ABTB2: variants seen among roughly 807,000 people sequenced by gnomAD.
The protein encoded by ABTB2 is ankyrin repeat and BTB/POZ domain-containing protein 2.
In ABTB2, 56 loss-of-function variants were observed where a neutral mutation model predicts 104.1. That is an observed-to-expected ratio of 0.54 (90% CI 0.43 to 0.67). The LOEUF (loss-of-function observed/expected upper bound fraction) is 0.67, where lower values mean the gene tolerates loss of function less well. ABTB2 is among the 30% of genes least tolerant of loss of function. The probability of loss-of-function intolerance (pLI) is 0.00; values close to 1 mark genes in which losing one functional copy is unlikely to be tolerated. For synonymous variants in ABTB2, 606 were observed against 608.2 expected (o/e 1.00, Z 0.05); for missense variants, 1,279 against 1,407.7 (o/e 0.91, Z 1.46).
At chr11:34,298,269 C>T (rs1481509918) in intron 1 of ABTB2, among the ~76,000 whole-genome samples, 1 of 151,966 alleles carries the variant, frequency 6.6e-6, no homozygotes, top group Non-Finnish European at 1.5e-5. Context: ...GAATACATAT[C>T]CACATTTCAT....
chr11:34,314,722 G>C (rs1854903623), intron 1 of ABTB2, among the ~76,000 whole-genome samples: 1 of 152,150 alleles, frequency 6.6e-6, no homozygotes, highest in Admixed American at 6.5e-5. Flanking sequence ...TAGAAGGACT[G>C]GCTAGATAAT....
chr11:34,201,058 G>T (rs1026834920), intron 2 of ABTB2, among the ~76,000 whole-genome samples: 16 of 152,002 alleles, frequency 1.1e-4, no homozygotes, highest in African/African-American at 3.9e-4. Context: ...CATTATAAAG[G>T]TTTCATTCTG....
intron 7 of ABTB2, 135 bp downstream of exon 7, chr11:34,167,124 T>A: frequency 2.7e-6 from 2 of 732,460 alleles, no homozygotes; most frequent in Non-Finnish European, 4.4e-6. Context: ...ATCGATCAGG[T>A]GAGCTGGCCT....
chr11:34,235,789 G>A (rs75739652), intron 1 of ABTB2, among the ~76,000 whole-genome samples: 4,881 of 152,252 alleles, frequency 0.032, 286 homozygotes, highest in African/African-American at 0.11. Context: ...CCATGCTAGA[G>A]GCATTAATTA....
chr11:34,357,714 G>A lies in ABTB2; in HGVS notation c.-131C>T. On this transcript the variant is annotated 5_prime_UTR_variant, in exon 1 of 17. Transcript: ENST00000435224. The stretch of plus-strand genomic sequence containing the variant: ...CTTCCTCTCTGCGTCGCGGGGCTCG[G>A]CGGCCGCATTGCCTGCCCGGAGGCC... 1 of 1,088,908 alleles carries A rather than the reference G, an allele frequency of 9.2e-7. No individual in the cohort carries two copies. The highest frequency in any genetic ancestry group is 1.2e-6 in the Non-Finnish European group (1 of 822,888). The allele number at this position is 1,088,908 out of a possible 1,614,324, so 67.5% of individuals were successfully genotyped here.
intron 1 of ABTB2, among the ~76,000 whole-genome samples, chr11:34,311,108 C>T (rs545602875): frequency 5.9e-5 from 9 of 152,296 alleles, no homozygotes; most frequent in Admixed American, 1.3e-4. Flanking sequence ...GAAGAGGCGG[C>T]TCCTCAGAGC....
At chr11:34,230,588 A>T (rs1317619692) in intron 1 of ABTB2, among the ~76,000 whole-genome samples, 1 of 152,170 alleles carries the variant, frequency 6.6e-6, no homozygotes, top group Non-Finnish European at 1.5e-5. Context: ...CAGTCCCTAA[A>T]TGCTGATGGC....
intron 1 of ABTB2, among the ~76,000 whole-genome samples, chr11:34,224,374 C>T (rs1853661293): frequency 1.3e-5 from 2 of 152,120 alleles, no homozygotes. Context: ...AACTCCTAAC[C>T]TCAAGCCATC....
In ABTB2 at chr11:34,356,027, G is replaced by A. The variant is rs1855460725; in HGVS notation, c.883+674C>T. ...GGTTGGTGACAGCTTGGAAAAATCA[G>A]GTCTCAGGAGACAATCTGTGGTTAC... On this transcript the variant is annotated intron_variant, in intron 1 of 16. Coordinates refer to ENST00000435224, the MANE Select transcript of ABTB2 (RefSeq NM_145804.3). This position sits in a 1 kb window ranked among gnomAD's most constrained non-coding sequence, Gnocchi z 4.6. 6.6e-6 allele frequency among the ~76,000 whole-genome samples: 1 copy of A among 152,148 alleles called. No homozygotes were observed. The highest frequency in any genetic ancestry group is 1.5e-5 in the Non-Finnish European group (1 of 68,010).
At chr11:34,282,940 G>A (rs1330327022) in intron 1 of ABTB2, among the ~76,000 whole-genome samples, 4 of 146,732 alleles carry the variant, frequency 2.7e-5, no homozygotes, top group African/African-American at 7.6e-5. Flanking sequence ...ATGGAGTCTC[G>A]CTTTGTCGCC....
intron 1 of ABTB2, among the ~76,000 whole-genome samples, chr11:34,217,971 C>A (rs7932750): frequency 0.03 from 4,589 of 152,286 alleles, 231 homozygotes; most frequent in African/African-American, 0.11. Context: ...GGATTCTGGC[C>A]ACTCTAAGAG....
chr11:34,156,294 G>A (rs1199705707), intron 14 of ABTB2, among the ~76,000 whole-genome samples: 1 of 152,210 alleles, frequency 6.6e-6, no homozygotes, highest in Non-Finnish European at 1.5e-5. Flanking sequence ...GGCAGAGGTG[G>A]GTGAATTTTG....
intron 1 of ABTB2, among the ~76,000 whole-genome samples, chr11:34,273,265 A>G (rs1565156247): frequency 6.6e-6 from 1 of 152,202 alleles, no homozygotes; most frequent in Non-Finnish European, 1.5e-5. Context: ...AAGTGAGCCA[A>G]GGATACACCA....
Position 34,357,758 on chromosome 11 carries a change from T to G in ABTB2, c.-175A>C. On this transcript the variant is annotated 5_prime_UTR_variant, in exon 1 of 17. Coordinates refer to ENST00000435224, the MANE Select transcript of ABTB2 (RefSeq NM_145804.3). Reference sequence around the variant, plus strand: ...GGAGGCCGCGGGAAGGTGGCCGAGATCCGTGGCCAGCAGGAGCCCCACGCT... The same window carrying G: ...GGAGGCCGCGGGAAGGTGGCCGAGAGCCGTGGCCAGCAGGAGCCCCACGCT... The G allele has an allele frequency of 1.4e-6, 1 of 692,504 alleles. No homozygotes were observed. The highest frequency in any genetic ancestry group is 2.2e-6 in the Non-Finnish European group (1 of 450,196). 42.9% of individuals were successfully genotyped at this position (692,504 alleles called of 1,614,324 possible).
intron 1 of ABTB2, among the ~76,000 whole-genome samples, chr11:34,257,779 A>G (rs1854141709): frequency 6.6e-6 from 1 of 152,110 alleles, no homozygotes; most frequent in Non-Finnish European, 1.5e-5. Flanking sequence ...CTGTAAAGAT[A>G]GGGTCTTGCT....
intron 1 of ABTB2, among the ~76,000 whole-genome samples, chr11:34,289,168 A>G (rs1027073045): frequency 5.3e-5 from 8 of 152,216 alleles, no homozygotes; most frequent in Non-Finnish European, 8.8e-5. Flanking sequence ...TTGATTGTCA[A>G]TTCTCAAACA....
At chr11:34,236,747 G>C (rs191722427) in intron 1 of ABTB2, among the ~76,000 whole-genome samples, 1 of 152,152 alleles carries the variant, frequency 6.6e-6, no homozygotes, top group African/African-American at 2.4e-5. Flanking sequence ...AACCGAGGAG[G>C]GTAGATAAAC....
At chr11:34,153,461 C>T (rs977858221) in intron 16 of ABTB2, among the ~76,000 whole-genome samples, 6 of 152,118 alleles carry the variant, frequency 3.9e-5, no homozygotes, top group East Asian at 1.9e-4. Flanking sequence ...CTCAACCTCC[C>T]GGGCTCAACT....
chr11:34,163,947 G>T (rs1852757924), intron 9 of ABTB2, among the ~76,000 whole-genome samples: 1 of 152,028 alleles, frequency 6.6e-6, no homozygotes, highest in African/African-American at 2.4e-5. Flanking sequence ...GATGGCGCCT[G>T]GAGGGTGAGG....
Sources: gnomAD v4.1 joint callset for allele counts (sites outside exome capture counted in the v4.1 genomes callset) on GRCh38, gnomAD v4.1.1 for gene constraint, Gnocchi (gnomAD v3.1) non-coding constraint, MANE v1.5 for transcripts, NCBI Gene and HGNC (gene_info 2026-07-23, HGNC 2026-07-21) for gene names.